TFEC: variants seen among roughly 807,000 people sequenced by gnomAD.
TFEC encodes the protein transcription factor EC.
In TFEC, 31 loss-of-function variants were observed where a neutral mutation model predicts 41.6. That is an observed-to-expected ratio of 0.74 (90% CI 0.56 to 1.01). The LOEUF (loss-of-function observed/expected upper bound fraction) is 1.01. Among genes scored for constraint, TFEC ranks in the 50% least tolerant of loss-of-function variants. TFEC has a pLI of 0.00. For missense variants in TFEC, 402 were observed against 404.1 expected (o/e 0.99, Z 0.04); for synonymous variants, 143 against 140.6 (o/e 1.02, Z -0.12).
chr7:116,001,382 C>A (rs1316137151), intron 1 of TFEC, among the ~76,000 whole-genome samples: 2 of 151,662 alleles, frequency 1.3e-5, no homozygotes, highest in Non-Finnish European at 2.9e-5. Context: ...GTAGTGCCAG[C>A]GAATCGGGAG....
chr7:115,980,639 A>T (rs1793584856), intron 2 of TFEC, among the ~76,000 whole-genome samples: 1 of 152,150 alleles, frequency 6.6e-6, no homozygotes, highest in Admixed American at 6.5e-5. Flanking sequence ...AGTCCCAGCT[A>T]CCTGGGAGGC....
chr7:115,992,635 C>A (rs923743513), intron 1 of TFEC, among the ~76,000 whole-genome samples: 1 of 152,090 alleles, frequency 6.6e-6, no homozygotes, highest in East Asian at 1.9e-4. Context: ...ATACATACAA[C>A]CTCCCAAGAC....
chr7:116,143,603 C>A (rs6971728), intron 1 of TFEC, among the ~76,000 whole-genome samples: 4,873 of 152,218 alleles, frequency 0.032, 259 homozygotes, highest in African/African-American at 0.11. Context: ...AGATGTCTTT[C>A]CAAACTGAGT....
At chr7:116,121,107 C>T (rs1314375934) in intron 1 of TFEC, among the ~76,000 whole-genome samples, 2 of 151,844 alleles carry the variant, frequency 1.3e-5, no homozygotes, top group Non-Finnish European at 2.9e-5. Context: ...ATGTTCATAG[C>T]AGGATCATTC....
chr7:116,058,198 C>G (rs1356230638), intron 3 of TFEC, among the ~76,000 whole-genome samples: 1 of 151,592 alleles, frequency 6.6e-6, no homozygotes, highest in Middle Eastern at 3.2e-3. Context: ...AAAAATTATA[C>G]CACACTAACA....
At chr7:116,132,018 C>T (rs1201366403) in intron 1 of TFEC, among the ~76,000 whole-genome samples, 1 of 152,134 alleles carries the variant, frequency 6.6e-6, no homozygotes, top group African/African-American at 2.4e-5. Context: ...TCACTTTATG[C>T]TCCAAAAGCC....
chr7:116,006,549 C>T (rs935704882), intron 1 of TFEC, among the ~76,000 whole-genome samples: 2 of 152,204 alleles, frequency 1.3e-5, no homozygotes, highest in Non-Finnish European at 2.9e-5. Flanking sequence ...TGCACCCTCA[C>T]TGTATCTAGG....
At chr7:116,090,052 T>C (rs1164483243) in intron 3 of TFEC, among the ~76,000 whole-genome samples, 1 of 152,096 alleles carries the variant, frequency 6.6e-6, no homozygotes, top group East Asian at 1.9e-4. Flanking sequence ...TAGAATGGAA[T>C]TGAAAGGAAA....
intron 1 of TFEC, among the ~76,000 whole-genome samples, chr7:116,012,310 G>T (rs1451824300): frequency 6.6e-6 from 1 of 152,108 alleles, no homozygotes; most frequent in East Asian, 1.9e-4. Flanking sequence ...ATCAACAATT[G>T]TGTTTAGATG....
intron 3 of TFEC, among the ~76,000 whole-genome samples, chr7:115,967,504 A>C (rs914330670): frequency 4.0e-5 from 6 of 151,826 alleles, no homozygotes; most frequent in African/African-American, 1.4e-4. Context: ...ATGTAGATGC[A>C]ATAAACAAGG....
chr7:116,118,470 C>T (rs781010385), intron 1 of TFEC, among the ~76,000 whole-genome samples: 16 of 151,784 alleles, frequency 1.1e-4, no homozygotes, highest in Middle Eastern at 3.2e-3. Context: ...AAAACCATTT[C>T]TTTTGATCAG....
At position 115,940,027 on chromosome 7, in the gene TFEC, A is replaced by C. The variant is rs1793407933; in HGVS notation, c.*524T>G. 6.6e-6 allele frequency: 1 copy of C among 152,108 alleles called. No individual in the cohort carries two copies. Among genetic ancestry groups the C allele is most frequent in the African/African-American group, 2.4e-5 (1 of 41,430 alleles). 9.4% of individuals were successfully genotyped at this position (152,108 alleles called of 1,614,324 possible). On this transcript the variant is annotated 3_prime_UTR_variant, in exon 8 of 8. Transcript: ENST00000265440. ...TTTGCCTTTCAACCACAAGTGACAGATAATCTATTATACATTTATTTATCC... is the reference window on the plus strand; with the variant it reads ...TTTGCCTTTCAACCACAAGTGACAGCTAATCTATTATACATTTATTTATCC...
At chr7:115,997,573 T>C (rs1014945176) in intron 1 of TFEC, among the ~76,000 whole-genome samples, 11 of 151,306 alleles carry the variant, frequency 7.3e-5, no homozygotes, top group Admixed American at 4.0e-4. Context: ...CATAAAAACC[T>C]TACAGGAAAA....
chr7:116,106,963 G>C (rs781517917), intron 3 of TFEC, among the ~76,000 whole-genome samples: 1 of 152,112 alleles, frequency 6.6e-6, no homozygotes, highest in African/African-American at 2.4e-5. Context: ...TCCTACCTTA[G>C]ATTTTTTAAA....
intron 1 of TFEC, among the ~76,000 whole-genome samples, chr7:116,139,262 T>A (rs974069150): frequency 1.3e-5 from 2 of 152,206 alleles, no homozygotes; most frequent in African/African-American, 2.4e-5. Context: ...AAGAGCGTTC[T>A]GATGAATTAT....
intron 3 of TFEC, among the ~76,000 whole-genome samples, chr7:116,047,860 C>G (rs1796208008): frequency 6.6e-6 from 1 of 152,150 alleles, no homozygotes; most frequent in Non-Finnish European, 1.5e-5. Flanking sequence ...ACTGGTGATA[C>G]CAGGCAAACA....
chr7:116,147,324 A>G (rs1243576345), intron 1 of TFEC, among the ~76,000 whole-genome samples: 1 of 152,232 alleles, frequency 6.6e-6, no homozygotes, highest in Non-Finnish European at 1.5e-5. Flanking sequence ...TATCAAAGAC[A>G]AAGAGTTCTT....
At chr7:116,020,107 T>TA (rs1311377792) in intron 1 of TFEC, among the ~76,000 whole-genome samples, 1 of 152,130 alleles carries the variant, frequency 6.6e-6, no homozygotes, top group Non-Finnish European at 1.5e-5. Context: ...ACATACTACA[T>TA]AATGCCTGAG....
At chr7:116,156,919 C>T (rs571862902) in intron 1 of TFEC, among the ~76,000 whole-genome samples, 1 of 152,216 alleles carries the variant, frequency 6.6e-6, no homozygotes, top group South Asian at 2.1e-4. Flanking sequence ...ATATGGAAGG[C>T]TTAGCTTAAG....
Sources: allele counts gnomAD v4.1 joint callset (sites outside exome capture counted in the v4.1 genomes callset), GRCh38; gene constraint gnomAD v4.1.1; transcripts MANE v1.5; gene names NCBI Gene and HGNC (gene_info 2026-07-23, HGNC 2026-07-21).